Variants in VIPR1 observed in about 807,000 individuals in gnomAD.
VIPR1 encodes the protein vasoactive intestinal peptide receptor 1, also known as vasoactive intestinal polypeptide receptor 1.
Under a neutral mutation model 58.8 loss-of-function variants are expected in VIPR1, and 59 were observed. The ratio of observed to expected loss-of-function variants is 1.00; its 90% CI spans 0.81 to 1.25. VIPR1 has a LOEUF of 1.25. Among genes scored for constraint, VIPR1 ranks in the 50% most tolerant of loss-of-function variants. VIPR1 has a pLI of 0.00. For synonymous variants in VIPR1, 251 were observed against 242.1 expected (o/e 1.04, Z -0.34); for missense variants, 626 against 602.7 (o/e 1.04, Z -0.40).
At chr3:42,509,894 C>T (rs1700284167) in intron 1 of VIPR1, 1 of 152,296 alleles carries the variant, frequency 6.6e-6, no homozygotes, top group Non-Finnish European at 1.5e-5. Flanking sequence ...ACTGTCCTGC[C>T]CAGGCTTCAT....
In VIPR1 at chr3:42,525,909, C is replaced by T. The variant is rs1249561715; in HGVS notation, c.315C>T (p.Cys105=). 2 of 1,613,020 alleles carry T rather than the reference C, an allele frequency of 1.2e-6. No individual in the cohort carries two copies. ...SIQGRNVSRS[C]TDEGWTHLEP... ...CAGGCCGCAATGTAAGCCGCAGCTG[C>T]ACCGACGAAGGCTGGACGCACCTGG... The change falls in exon 4 of 13, where the codon TGC becomes TGT. Residue 105 remains cysteine (C), a synonymous_variant. Coordinates refer to ENST00000325123, the MANE Select transcript of VIPR1 (RefSeq NM_004624.4).
At chr3:42,507,141 A>G (rs892305524) in intron 1 of VIPR1, 15 of 152,230 alleles carry the variant, frequency 9.9e-5, no homozygotes, top group African/African-American at 3.4e-4. Context: ...GTCATTACAC[A>G]CCTAACAAAA....
At chr3:42,528,164 G>C (rs774776291) in intron 6 of VIPR1, 41 bp downstream of exon 6, 1 of 1,603,360 alleles carries the variant, frequency 6.2e-7, no homozygotes, top group East Asian at 2.2e-5. Flanking sequence ...CAGTCTCGCC[G>C]TTATCTTTAA....
intron 1 of VIPR1, among the ~76,000 whole-genome samples, chr3:42,508,260 G>A (rs1467797400): frequency 6.6e-6 from 1 of 152,132 alleles, no homozygotes; most frequent in Admixed American, 6.5e-5. Context: ...TTTTACATGT[G>A]ACCCTCAACC....
chr3:42,509,223 CCAGCTT>C (rs567916377), intron 1 of VIPR1: 77 of 152,424 alleles, frequency 5.1e-4, no homozygotes, highest in African/African-American at 1.7e-3. Flanking sequence ...CTCTCAGAGA[CCAGCTT>C]CTCCTCGGAG....
Position 42,527,437 on chromosome 3 carries a change from T to C in VIPR1, c.444T>C (p.Ile148=), listed in dbSNP as rs2229722. 0.2 allele frequency: 315,435 copies of C among 1,613,704 alleles called. 38,280 individuals are homozygous for C. The highest frequency in any genetic ancestry group is 0.58 in the East Asian group (25,928 of 44,850). Residue 148 remains isoleucine (I), a synonymous_variant, in exon 5 of 13, where the codon ATT becomes ATC. Coordinates refer to ENST00000325123, the MANE Select transcript of VIPR1 (RefSeq NM_004624.4). ...FYGSVKTGYT[I]GYGLSLATLL... The stretch of plus-strand genomic sequence containing the variant: ...GTTCTGTGAAGACCGGCTACACCAT[T>C]GGCTACGGCCTGTCCCTCGCCACCC...
chr3:42,528,291 T>G (rs1701349403), intron 6 of VIPR1, 168 bp downstream of exon 6: 3 of 890,490 alleles, frequency 3.4e-6, no homozygotes, highest in East Asian at 5.6e-5. Context: ...CTGGCAGTAC[T>G]CAAATCACAC....
At chr3:42,527,799 C>A in intron 5 of VIPR1, 192 bp from the exon 6 acceptor site, 1 of 813,658 alleles carries the variant, frequency 1.2e-6, no homozygotes, top group Non-Finnish European at 1.9e-6. Context: ...CCTTGGGAGC[C>A]CAGTTGCACA....
At chr3:42,525,148 C>T (rs1283401843) in intron 3 of VIPR1, among the ~76,000 whole-genome samples, 1 of 151,978 alleles carries the variant, frequency 6.6e-6, no homozygotes, top group Non-Finnish European at 1.5e-5. Flanking sequence ...GGGGAGAGGA[C>T]ACCTCCCCAG....
chr3:42,522,477 C>T (rs944955844), intron 3 of VIPR1, among the ~76,000 whole-genome samples: 6 of 152,106 alleles, frequency 3.9e-5, no homozygotes, highest in African/African-American at 1.2e-4. Context: ...TGAGAAAATT[C>T]GACATACAGT....
chr3:42,490,973 C>A (rs553268808), intron 1 of VIPR1, among the ~76,000 whole-genome samples: 2 of 152,076 alleles, frequency 1.3e-5, no homozygotes. Flanking sequence ...GGTAAGCGCT[C>A]GGAACTAAGG....
chr3:42,536,338 G>A lies in VIPR1; in HGVS notation c.*57G>A. 2.7e-6 allele frequency: 4 copies of A among 1,459,400 alleles called. No homozygotes were observed. Among genetic ancestry groups the A allele is most frequent in the South Asian group, 1.4e-5 (1 of 71,512 alleles). The allele number at this position is 1,459,400 out of a possible 1,614,324, so 90.4% of individuals were successfully genotyped here. A position where few individuals can be genotyped will look rare whatever the true frequency, so the allele number is the denominator to read the frequency against. On this transcript the variant is annotated 3_prime_UTR_variant, in exon 13 of 13. Transcript: ENST00000325123. ...CTCCCGCCCCTTCCCACTCACCCCG[G>A]CAGACGCCGGGGACAGAGGCCTGCC...
intron 1 of VIPR1, 55 bp downstream of exon 1, chr3:42,502,868 G>C (rs974586163): frequency 4.5e-5 from 53 of 1,189,974 alleles, no homozygotes; most frequent in Non-Finnish European, 5.2e-5. Context: ...TGCGGAGGGC[G>C]GGGGAGGTGG....
At chr3:42,495,774 A>G (rs1270125619) in intron 1 of VIPR1, among the ~76,000 whole-genome samples, 1 of 152,120 alleles carries the variant, frequency 6.6e-6, no homozygotes, top group Non-Finnish European at 1.5e-5. Flanking sequence ...ATGACACCCA[A>G]GTCAATGGCC....
intron 10 of VIPR1, 86 bp downstream of exon 10, chr3:42,532,419 C>T (rs1701620317): frequency 1.5e-6 from 2 of 1,368,686 alleles, no homozygotes; most frequent in South Asian, 1.2e-5. Flanking sequence ...TCCTCCCACC[C>T]CAAACATCCA....
At chr3:42,499,292 G>T (rs1343115709), upstream of VIPR1, among the ~76,000 whole-genome samples, 1 of 152,212 alleles carries the variant, frequency 6.6e-6, no homozygotes, top group African/African-American at 2.4e-5. Flanking sequence ...TGAGCTGGAA[G>T]CCTTGAAGGC....
chr3:42,534,869 G>A, intron 10 of VIPR1, 106 bp from the exon 11 acceptor site: 2 of 1,436,006 alleles, frequency 1.4e-6, no homozygotes, highest in Non-Finnish European at 1.9e-6. Context: ...ATACTTCCTG[G>A]TCATTGTCCC....
chr3:42,503,229 A>G (rs1368523546), intron 1 of VIPR1, among the ~76,000 whole-genome samples: 1 of 152,070 alleles, frequency 6.6e-6, no homozygotes, highest in Admixed American at 6.6e-5. Context: ...GTGTGCTGTG[A>G]CCGTCTGGAG....
chr3:42,522,046 G>A (rs1700950283), intron 3 of VIPR1, among the ~76,000 whole-genome samples: 2 of 123,562 alleles, frequency 1.6e-5, no homozygotes, highest in African/African-American at 6.1e-5. Context: ...TTAATCTGTA[G>A]TCTGCATATC....
Sources: gnomAD v4.1 joint callset for allele counts (sites outside exome capture counted in the v4.1 genomes callset) on GRCh38, gnomAD v4.1.1 for gene constraint, MANE v1.5 for transcripts, NCBI Gene and HGNC (gene_info 2026-07-23, HGNC 2026-07-21) for gene names.